NCOR2: variants seen among roughly 807,000 people sequenced by gnomAD.
The protein encoded by NCOR2 is CTG repeat protein 26.
NCOR2 carries 81 observed loss-of-function variants against 262.9 expected under a neutral mutation model. The ratio of observed to expected loss-of-function variants is 0.31; its 90% CI spans 0.26 to 0.37. The LOEUF (loss-of-function observed/expected upper bound fraction) is 0.37. NCOR2 is among the 10% of genes least tolerant of loss of function. The probability of loss-of-function intolerance (pLI) is 1.00; values close to 1 mark genes in which losing one functional copy is unlikely to be tolerated. For missense variants in NCOR2, 3,385 were observed against 3,621.4 expected (o/e 0.93, Z 1.68); for synonymous variants, 1,659 against 1,559.3 (o/e 1.06, Z -1.51).
At chr12:124,439,178 C>CAG (rs1658678982) in intron 7 of NCOR2, among the ~76,000 whole-genome samples, 6 of 146,860 alleles carry the variant, frequency 4.1e-5, no homozygotes, top group East Asian at 2.1e-4. Context: ...AACAGAGACC[C>CAG]AGAGAGAGAG....
chr12:124,486,247 G>A (rs2136824008), intron 2 of NCOR2, 194 bp downstream of exon 4: 1 of 737,656 alleles, frequency 1.4e-6, no homozygotes, highest in Non-Finnish European at 2.0e-6. Flanking sequence ...AAGTCTGAGG[G>A]CCACGTGGCT....
chr12:124,422,625 C>A lies in NCOR2; in HGVS notation c.1329-70G>T, dbSNP rs1593466979. On this transcript the variant is annotated intron_variant, in intron 11 of 46. Coordinates refer to ENST00000405201, the Ensembl canonical transcript of NCOR2. ...TTTCCTGCGGGGCAGCCGATCGGCT[C>A]CCAGGCGCCTGCCATCCCCACTGGC... The A allele has an allele frequency of 3.8e-6, 6 of 1,579,096 alleles. No individual in the cohort carries two copies. The Admixed American group carries it at 6.8e-5, about 18-fold the overall frequency.
At chr12:124,455,595 G>GCTCCC (rs2045803051) in intron 6 of NCOR2, among the ~76,000 whole-genome samples, 1 of 152,214 alleles carries the variant, frequency 6.6e-6, no homozygotes, top group African/African-American at 2.4e-5. Flanking sequence ...AGCTCTCACT[G>GCTCCC]CAAAACTGAG....
rs571235542 is a variant in NCOR2 at position 124,446,941 on chromosome 12, GTC to G, written c.815+2872_815+2873del. On this transcript the variant is annotated intron_variant, in intron 7 of 46. Transcript: ENST00000405201. ...TATTACACATATTTTTTGAGACAGAGTCTTGCTCTGTTGCCCAGGCTGGAGTG... is the reference window on the plus strand; with the variant it reads ...TATTACACATATTTTTTGAGACAGAGTTGCTCTGTTGCCCAGGCTGGAGTG... Among the ~76,000 whole-genome samples the G allele has an allele frequency of 2.0e-5, 3 of 152,258 alleles. No individual in the cohort carries two copies. The South Asian group carries it at 6.2e-4, about 32-fold the overall frequency.
intron 17 of NCOR2, among the ~76,000 whole-genome samples, chr12:124,384,387 G>A (rs1042255916): frequency 6.6e-6 from 1 of 152,240 alleles, no homozygotes; most frequent in Admixed American, 6.5e-5. Context: ...CTGAAGCCCT[G>A]AGCTCTGGGG....
chr12:124,347,901 G>A, exon 30 of NCOR2: 1 of 1,561,860 alleles, frequency 6.4e-7, no homozygotes, highest in East Asian at 2.4e-5. Flanking sequence ...GGATGGCACG[G>A]CCCATGAGAC....
intron 4 of NCOR2, among the ~76,000 whole-genome samples, chr12:124,467,678 ATCC>A (rs1042117198): frequency 1.0e-5 from 1 of 99,382 alleles, no homozygotes; most frequent in African/African-American, 4.0e-5. Context: ...CACCCTTATC[ATCC>A]TCATGACCTC....
At chr12:124,442,484 A>G (rs1052647800) in intron 7 of NCOR2, among the ~76,000 whole-genome samples, 17 of 152,220 alleles carry the variant, frequency 1.1e-4, no homozygotes, top group Admixed American at 8.5e-4. Context: ...AGCTGTCCAC[A>G]TGAGGGGTGC....
intron 16 of NCOR2, among the ~76,000 whole-genome samples, chr12:124,395,097 G>A (rs1322684747): frequency 6.6e-6 from 1 of 152,202 alleles, no homozygotes; most frequent in Non-Finnish European, 1.5e-5. Context: ...CCGAGGGAGG[G>A]GTGGGGCTGG....
intron 6 of NCOR2, among the ~76,000 whole-genome samples, chr12:124,453,107 T>A (rs1035951928): frequency 6.6e-6 from 1 of 152,086 alleles, no homozygotes; most frequent in Non-Finnish European, 1.5e-5. Flanking sequence ...TCCTGGCAGG[T>A]GCATTGCTGA....
intron 6 of NCOR2, among the ~76,000 whole-genome samples, chr12:124,451,624 G>A (rs1280310923): frequency 6.6e-6 from 1 of 152,102 alleles, no homozygotes; most frequent in Non-Finnish European, 1.5e-5. Context: ...ACACACCCAT[G>A]CACACAGCAG....
intron 15 of NCOR2, among the ~76,000 whole-genome samples, chr12:124,398,988 T>C (rs1233072271): frequency 6.6e-6 from 1 of 152,140 alleles, no homozygotes; most frequent in Non-Finnish European, 1.5e-5. Context: ...GGCCCTTCCT[T>C]TCCAGTTGCT....
intron 16 of NCOR2, among the ~76,000 whole-genome samples, chr12:124,391,956 T>C (rs1193762738): frequency 6.6e-6 from 1 of 152,236 alleles, no homozygotes; most frequent in Non-Finnish European, 1.5e-5. Flanking sequence ...CCATGCCCTG[T>C]GTCCACCGCA....
At chr12:124,534,237 A>G (rs1435117380) in intron 1 of NCOR2, among the ~76,000 whole-genome samples, 1 of 152,156 alleles carries the variant, frequency 6.6e-6, no homozygotes, top group Non-Finnish European at 1.5e-5. Context: ...CAGGAGGATC[A>G]CTTGAGGTCA....
chr12:124,433,494 G>A (rs567693646), intron 8 of NCOR2, among the ~76,000 whole-genome samples: 1 of 152,350 alleles, frequency 6.6e-6, no homozygotes, highest in South Asian at 2.1e-4. Flanking sequence ...AGACGGCCCG[G>A]CTCTAGCTGG....
intron 1 of NCOR2, among the ~76,000 whole-genome samples, chr12:124,533,976 TATTTTCTGGGTGGCCCAAGACA>T (rs1355534165): frequency 2.0e-5 from 3 of 151,770 alleles, no homozygotes; most frequent in Non-Finnish European, 4.4e-5. Context: ...AGTGCTAGTG[TATTTTCTGGGTGGCCCAAGACA>T]ATTCTTCTTC....
At chr12:124,474,002 T>C (rs2046962798) in intron 3 of NCOR2, among the ~76,000 whole-genome samples, 3 of 152,190 alleles carry the variant, frequency 2.0e-5, no homozygotes, top group Non-Finnish European at 4.4e-5. Context: ...TCTTGCTACA[T>C]GAATGGTTTC....
exon 35 of NCOR2, chr12:124,340,744 G>A (rs1489190957): frequency 7.1e-6 from 11 of 1,541,228 alleles, no homozygotes; most frequent in Middle Eastern, 1.7e-4. Context: ...GGGACAGGTC[G>A]ATGATGCCTG....
chr12:124,405,674 T>G (rs941692824), intron 13 of NCOR2, among the ~76,000 whole-genome samples: 1 of 152,162 alleles, frequency 6.6e-6, no homozygotes, highest in Non-Finnish European at 1.5e-5. Context: ...GCCGAGGGAC[T>G]GATTGAGGGC....
Sources: gnomAD v4.1 joint callset for allele counts (sites outside exome capture counted in the v4.1 genomes callset) on GRCh38, gnomAD v4.1.1 for gene constraint, MANE v1.5 for transcripts, NCBI Gene and HGNC (gene_info 2026-07-23, HGNC 2026-07-21) for gene names.